DLGAP2: variants seen among roughly 807,000 people sequenced by gnomAD.
DLGAP2 encodes DLG associated protein 2.
A neutral mutation model predicts 100.3 loss-of-function variants in DLGAP2; 26 were observed. The observed-to-expected ratio is 0.26, with a 90% CI of 0.19 to 0.36. The LOEUF (loss-of-function observed/expected upper bound fraction) is 0.36, where lower values mean the gene tolerates loss of function less well. Among genes scored for constraint, DLGAP2 ranks in the 10% least tolerant of loss-of-function variants. DLGAP2 has a pLI of 1.00. For missense variants in DLGAP2, 1,858 were observed against 1,453.2 expected, an observed-to-expected ratio of 1.28 and a Z score of -4.53; for synonymous variants, 886 against 630.1, an observed-to-expected ratio of 1.41 and a Z score of -6.08.
chr8:1,407,319 G>A (rs574083954), intron 3 of DLGAP2, among the ~76,000 whole-genome samples: 15 of 50,288 alleles, frequency 3.0e-4, no homozygotes, highest in Non-Finnish European at 5.3e-4. Context: ...CTTACTGAGC[G>A]CTCCCTCCTT....
intron 3 of DLGAP2, among the ~76,000 whole-genome samples, chr8:1,339,754 G>A (rs1013731556): frequency 1.3e-5 from 2 of 152,154 alleles, no homozygotes; most frequent in African/African-American, 4.8e-5. Flanking sequence ...CCTGCCCTGC[G>A]CTGTGTGTTC....
At chr8:1,184,375 T>A (rs1049972457) in intron 2 of DLGAP2, among the ~76,000 whole-genome samples, 2 of 152,230 alleles carry the variant, frequency 1.3e-5, no homozygotes, top group African/African-American at 4.8e-5. Context: ...GGGGAGCGGC[T>A]GTCCGCAAGC....
At chr8:796,347 G>A (rs554987524) in intron 1 of DLGAP2, among the ~76,000 whole-genome samples, 6 of 152,164 alleles carry the variant, frequency 3.9e-5, no homozygotes, top group African/African-American at 1.4e-4. Context: ...GAATTCTTCT[G>A]TCACGGCCCC....
intron 2 of DLGAP2, chr8:1,002,865 G>A (rs1584963263): frequency 6.6e-6 from 1 of 152,250 alleles, no homozygotes; most frequent in East Asian, 1.9e-4. Context: ...GCCCAGCATG[G>A]CGCTAGTGGG....
At chr8:805,744 C>T (rs1347528382) in intron 1 of DLGAP2, among the ~76,000 whole-genome samples, 2 of 152,160 alleles carry the variant, frequency 1.3e-5, no homozygotes, top group Admixed American at 6.5e-5. Context: ...GGGACTACTC[C>T]TGAGCCCAAG....
rs1480075366 is a variant in DLGAP2, at chr8:1,633,027, C to T, written c.1791C>T (p.Ser597=). 1 of 1,613,968 alleles carries T rather than the reference C, an allele frequency of 6.2e-7. No individual in the cohort carries two copies. The highest frequency in any genetic ancestry group is 8.5e-7 in the Non-Finnish European group (1 of 1,179,896). The change falls in exon 8 of 15, where the codon TCC becomes TCT. Residue 597 remains serine, a synonymous_variant. Coordinates refer to ENST00000637795, the MANE Select transcript of DLGAP2 (RefSeq NM_001346810.2). ...IPMMTPSDIT[S]TIRSTAAVSY... is the part of the protein sequence containing the mutation. ...TGATGACACCCTCTGACATCACCTC[C>T]ACCATCAGGTCAACAGCAGGTAAGG... is the stretch of plus-strand genomic sequence containing the variant.
intron 2 of DLGAP2, among the ~76,000 whole-genome samples, chr8:1,093,258 C>G (rs960426956): frequency 1.3e-5 from 2 of 151,916 alleles, no homozygotes; most frequent in Admixed American, 6.6e-5. Context: ...CACCCGCAGC[C>G]AGAAACACCT....
chr8:1,180,664 C>T (rs1023400134), intron 2 of DLGAP2, among the ~76,000 whole-genome samples: 4 of 150,318 alleles, frequency 2.7e-5, no homozygotes, highest in African/African-American at 7.4e-5. Context: ...TGCTTACCGT[C>T]GACTGGGTGT....
intron 2 of DLGAP2, among the ~76,000 whole-genome samples, chr8:1,150,011 G>T (rs2129051434): frequency 1.3e-5 from 2 of 152,322 alleles, no homozygotes; most frequent in South Asian, 4.1e-4. Flanking sequence ...AGACATCAGT[G>T]TTATTGTTTT....
intron 8 of DLGAP2, among the ~76,000 whole-genome samples, chr8:1,658,182 C>A (rs1018707752): frequency 6.6e-6 from 1 of 152,096 alleles, no homozygotes; most frequent in Admixed American, 6.5e-5. Context: ...TGGCTGGTTG[C>A]CATGATACCT....
At chr8:1,041,177 A>G (rs183253540) in intron 2 of DLGAP2, among the ~76,000 whole-genome samples, 1 of 152,326 alleles carries the variant, frequency 6.6e-6, no homozygotes, top group African/African-American at 2.4e-5. Context: ...AGGATTATGT[A>G]AATTTTGGGA....
At chr8:1,427,219 T>C (rs540647276) in intron 3 of DLGAP2, among the ~76,000 whole-genome samples, 1 of 152,256 alleles carries the variant, frequency 6.6e-6, no homozygotes, top group African/African-American at 2.4e-5. Flanking sequence ...AAACCTACAA[T>C]TATAGATTTC....
chr8:1,107,191 C>T (rs1226422621), intron 2 of DLGAP2, among the ~76,000 whole-genome samples: 2 of 152,198 alleles, frequency 1.3e-5, no homozygotes, highest in African/African-American at 2.4e-5. Context: ...CTTTGCAGTG[C>T]ACTGGTTCTG....
rs958896889 is a variant in DLGAP2, at chr8:1,707,577, G to A, written c.*6171G>A. 6.6e-6 allele frequency: 1 copy of A among 152,076 alleles called. No homozygotes were observed. The highest frequency in any genetic ancestry group is 1.5e-5 in the Non-Finnish European group (1 of 68,022). The allele number at this position is 152,076 out of a possible 1,614,324, so 9.4% of individuals were successfully genotyped here. A position where few individuals can be genotyped will look rare whatever the true frequency, so the allele number is the denominator to read the frequency against. ...AGTGAGACCTAGGCTACTTTCGAACGCTTCCTTCCGAACGGTAAGCCACTT... is the reference window on the plus strand; with the variant it reads ...AGTGAGACCTAGGCTACTTTCGAACACTTCCTTCCGAACGGTAAGCCACTT... On this transcript the variant is annotated 3_prime_UTR_variant, in exon 15 of 15. Transcript: ENST00000637795.
At chr8:1,558,540 C>A (rs947730026) in intron 5 of DLGAP2, among the ~76,000 whole-genome samples, 3 of 152,078 alleles carry the variant, frequency 2.0e-5, no homozygotes, top group Non-Finnish European at 4.4e-5. Flanking sequence ...TACCTGCACA[C>A]ATACACATAT....
rs557504813 is a variant in DLGAP2, at chr8:1,159,206, A to G, written c.74-99645A>G. ...GTCTCTGCATTTAGTCAAAGCTATT[A>G]TAAATGTGAGCAATTGTTTTGGTTC... On this transcript the variant is annotated intron_variant, in intron 2 of 14. Coordinates refer to ENST00000637795, the MANE Select transcript of DLGAP2 (RefSeq NM_001346810.2). 1.5e-3 allele frequency among the ~76,000 whole-genome samples: 235 copies of G among 152,346 alleles called. 1 individual carries two copies. The highest frequency in any genetic ancestry group is 2.6e-3 in the Non-Finnish European group (174 of 68,034).
chr8:1,619,868 C>G (rs762131212), intron 6 of DLGAP2: 1 of 152,206 alleles, frequency 6.6e-6, no homozygotes, highest in Non-Finnish European at 1.5e-5. Flanking sequence ...TACAAACTGC[C>G]TTCTGCGCAC....
chr8:1,650,123 A>G (rs543096301), intron 8 of DLGAP2, among the ~76,000 whole-genome samples: 26 of 152,332 alleles, frequency 1.7e-4, no homozygotes, highest in African/African-American at 6.3e-4. Flanking sequence ...TATTTCTTGT[A>G]TCCATTTATT....
chr8:1,161,657 G>A (rs1487794831), intron 2 of DLGAP2, among the ~76,000 whole-genome samples: 1 of 152,218 alleles, frequency 6.6e-6, no homozygotes, highest in African/African-American at 2.4e-5. Context: ...AACGCCTGTA[G>A]GGAAATGGAG....
Sources: allele counts gnomAD v4.1 joint callset (sites outside exome capture counted in the v4.1 genomes callset), GRCh38; gene constraint gnomAD v4.1.1; transcripts MANE v1.5; gene names NCBI Gene and HGNC (gene_info 2026-07-23, HGNC 2026-07-21).